The following HERC2 variants were observed in gnomAD, a reference collection of about 807,000 sequenced individuals.
The protein encoded by HERC2 is E3 ubiquitin-protein ligase HERC2.
Under a neutral mutation model 537.7 loss-of-function variants are expected in HERC2, and 102 were observed. The ratio of observed to expected loss-of-function variants is 0.19; its 90% CI spans 0.16 to 0.22. HERC2 has a LOEUF of 0.22. HERC2 is among the 10% of genes least tolerant of loss of function. HERC2 has a pLI of 1.00. For synonymous variants in HERC2, 2,224 were observed against 2,466.2 expected (o/e 0.90, Z 2.91); for missense variants, 4,236 against 6,198.2 (o/e 0.68, Z 10.63).
chr15:28,230,343 T>C (rs769948984), intron 31 of HERC2, 24 bp downstream of exon 31: 4 of 1,581,740 alleles, frequency 2.5e-6, no homozygotes. Flanking sequence ...TCAGCCAACC[T>C]CAGAATCACA....
intron 2 of HERC2, among the ~76,000 whole-genome samples, chr15:28,303,323 A>G (rs12324220): frequency 0.16 from 23,413 of 150,894 alleles, 1,670 homozygotes; most frequent in East Asian, 0.43. Context: ...GTAGATGTAT[A>G]GATCTGTTTC....
At chr15:28,189,966 A>C (rs1249531054) in intron 55 of HERC2, among the ~76,000 whole-genome samples, 1 of 151,910 alleles carries the variant, frequency 6.6e-6, no homozygotes, top group East Asian at 1.9e-4. Flanking sequence ...TCTACACCAG[A>C]CAACAGTATA....
At chr15:28,279,615 C>CCACACACACACACACACACACACACA (rs58447102) in intron 5 of HERC2, among the ~76,000 whole-genome samples, 103 of 141,684 alleles carry the variant, frequency 7.3e-4, no homozygotes, top group African/African-American at 2.4e-3. Context: ...GACCCCATCT[C>CCACACACACACACACACACACACACA]CACACACACA....
chr15:28,278,609 A>G (rs1340108456), intron 5 of HERC2, among the ~76,000 whole-genome samples: 1 of 152,232 alleles, frequency 6.6e-6, no homozygotes, highest in Non-Finnish European at 1.5e-5. Context: ...ATATTTAAAC[A>G]TAAGGAAACA....
chr15:28,139,000 G>A (rs558244323), intron 78 of HERC2, among the ~76,000 whole-genome samples: 2 of 152,358 alleles, frequency 1.3e-5, no homozygotes, highest in African/African-American at 4.8e-5. Context: ...GACCTCAGAT[G>A]TGGTGGAAAC....
chr15:28,209,658 T>C (rs1483235616), intron 44 of HERC2, among the ~76,000 whole-genome samples: 3 of 152,200 alleles, frequency 2.0e-5, no homozygotes, highest in African/African-American at 7.2e-5. Flanking sequence ...ATCATTTATA[T>C]TTTTAAAGTA....
Position 28,260,857 on chromosome 15 carries a change from G to A in HERC2, c.2236C>T (p.Arg746Cys), listed in dbSNP as rs1043175459. 18 of 1,614,078 alleles carry A rather than the reference G, an allele frequency of 1.1e-5. No homozygotes were observed. The highest frequency in any genetic ancestry group is 2.7e-5 in the African/African-American group (2 of 74,932). ...NDQCQHFDTL[R>C]VTKPEPAALP... ...GCTGCAGGTTCTGGCTTGGTCACGC[G>A]CAAGGTGTCAAAGTGCTGGCACTGG... is the stretch of plus-strand genomic sequence containing the variant. The change falls in exon 16 of 93, where the codon CGC becomes TGC. Residue 746 changes from arginine (R) to cysteine (C), a missense_variant. Around this residue, in one of 27 missense-constraint regions of HERC2, gnomAD observed 754 missense variants for 1,085.0 expected, o/e 0.69. Transcript: ENST00000261609.
chr15:28,224,225 C>T, intron 35 of HERC2, among the ~76,000 whole-genome samples: 1 of 151,172 alleles, frequency 6.6e-6, no homozygotes, highest in Non-Finnish European at 1.5e-5. Context: ...TCCCCCCACC[C>T]CCAAGACAGG....
At chr15:28,173,513 A>G (rs1006870003) in intron 65 of HERC2, among the ~76,000 whole-genome samples, 5 of 152,174 alleles carry the variant, frequency 3.3e-5, no homozygotes, top group Non-Finnish European at 5.9e-5. Flanking sequence ...ACAACATGCA[A>G]ACTGGTCTGC....
intron 35 of HERC2, among the ~76,000 whole-genome samples, chr15:28,223,374 C>T (rs748183770): frequency 3.9e-5 from 6 of 152,006 alleles, no homozygotes; most frequent in African/African-American, 9.7e-5. Flanking sequence ...TGGGCTTGGG[C>T]GGACCAAAAA....
chr15:28,202,333 G>T lies in HERC2; in HGVS notation c.7480+14C>A, dbSNP rs374512336. 54 of 1,613,500 alleles carry T rather than the reference G, an allele frequency of 3.3e-5. No individual in the cohort carries two copies. In the African/African-American group the frequency reaches 6.7e-4, roughly 20 times the overall value. ...CCCACACATACACAAGCAGAGGCCA[G>T]GAAAACGAAGTACCAGGCAAGCTGG... On this transcript the variant is annotated intron_variant, in intron 46 of 92. Transcript: ENST00000261609.
intron 23 of HERC2, among the ~76,000 whole-genome samples, chr15:28,240,294 T>C (rs1902956590): frequency 6.6e-6 from 1 of 152,174 alleles, no homozygotes. Context: ...GGCAGGCGCC[T>C]GTAGTCCCAG....
intron 78 of HERC2, among the ~76,000 whole-genome samples, chr15:28,139,936 C>G (rs11855003): frequency 6.7e-6 from 1 of 149,962 alleles, no homozygotes. Flanking sequence ...GGCGTGGTGG[C>G]GGGCGCCTGT....
intron 20 of HERC2, among the ~76,000 whole-genome samples, chr15:28,251,943 G>A (rs2075097570): frequency 6.6e-6 from 1 of 152,026 alleles, no homozygotes; most frequent in Non-Finnish European, 1.5e-5. Flanking sequence ...AAAACCATCA[G>A]GGTAGCTTAC....
At chr15:28,311,418 C>T (rs567427089) in intron 2 of HERC2, among the ~76,000 whole-genome samples, 8,662 of 149,746 alleles carry the variant, frequency 0.058, 6 homozygotes, top group African/African-American at 0.19. Context: ...TGAGCCGTGA[C>T]GGTGCCACTG....
At chr15:28,115,108 G>A (rs1432418823) in intron 89 of HERC2, among the ~76,000 whole-genome samples, 4 of 151,860 alleles carry the variant, frequency 2.6e-5, no homozygotes, top group East Asian at 1.9e-4. Context: ...TGGGGAATGA[G>A]CTGGCTGTGG....
At position 28,144,097 on chromosome 15, in the gene HERC2, C is replaced by T; in HGVS notation, c.11279G>A (p.Cys3760Tyr). 2.5e-6 allele frequency: 4 copies of T among 1,614,154 alleles called. No homozygotes were observed. Among genetic ancestry groups the T allele is most frequent in the Non-Finnish European group, 3.4e-6 (4 of 1,180,046 alleles). Residue 3760 changes from cysteine (C) to tyrosine (Y), a missense_variant, in exon 73 of 93, where the codon TGT becomes TAT. Physicochemically the swap from Cys to Tyr is radical, Grantham distance 194. Around this residue, in one of 27 missense-constraint regions of HERC2, gnomAD observed 109 missense variants for 133.5 expected, o/e 0.82. Coordinates refer to ENST00000261609, the MANE Select transcript of HERC2 (RefSeq NM_004667.6). ...TTTACCTAGGGCACTCAGCTGTGCA[C>T]AAGCTGCCAGCGAGGCCGCAAGGCG... is the stretch of plus-strand genomic sequence containing the variant. ...VPRLAASLAA[C>Y]AQLSALAASH...
intron 83 of HERC2, among the ~76,000 whole-genome samples, chr15:28,127,814 T>C (rs932729118): frequency 1.8e-4 from 28 of 152,060 alleles, no homozygotes; most frequent in African/African-American, 6.3e-4. Context: ...TCAAAATAAA[T>C]AGACTATATA....
chr15:28,182,368 C>A (rs200377749), intron 57 of HERC2, 33 bp downstream of exon 57: 41 of 1,433,934 alleles, frequency 2.9e-5, no homozygotes, highest in Non-Finnish European at 3.9e-6. Flanking sequence ...GCCGAGTGCC[C>A]CACCCTGCTG....
Sources: gnomAD v4.1 joint callset for allele counts (sites outside exome capture counted in the v4.1 genomes callset) on GRCh38, gnomAD v4.1.1 for gene constraint, gnomAD v4.1.1 regional missense constraint, MANE v1.5 for transcripts, NCBI Gene and HGNC (gene_info 2026-07-23, HGNC 2026-07-21) for gene names.